The following NRG1 variants were observed in gnomAD, a reference collection of about 807,000 sequenced individuals.
NRG1 encodes the protein neuregulin 1.
A neutral mutation model predicts 63.8 loss-of-function variants in NRG1; 18 were observed. The observed-to-expected ratio is 0.28, with a 90% CI of 0.19 to 0.42. NRG1 has a LOEUF of 0.42. Among genes scored for constraint, NRG1 ranks in the 10% least tolerant of loss-of-function variants. The probability of loss-of-function intolerance (pLI) is 1.00; values close to 1 mark genes in which losing one functional copy is unlikely to be tolerated. For synonymous variants in NRG1, 302 were observed against 301.3 expected (o/e 1.00, Z -0.02); for missense variants, 762 against 814.7 (o/e 0.94, Z 0.79).
intron 1 of NRG1, among the ~76,000 whole-genome samples, chr8:31,722,068 T>TA (rs747582367): frequency 1.4e-4 from 21 of 152,096 alleles, no homozygotes; most frequent in Non-Finnish European, 2.6e-4. Context: ...TTCTCCTGCT[T>TA]AAAATCTTCC....
intron 1 of NRG1, among the ~76,000 whole-genome samples, chr8:31,947,009 G>C (rs996709806): frequency 3.3e-5 from 5 of 152,084 alleles, no homozygotes; most frequent in Non-Finnish European, 7.4e-5. Flanking sequence ...ACTTAGAAAA[G>C]AATGGATATG....
intron 1 of NRG1, among the ~76,000 whole-genome samples, chr8:32,085,554 T>C (rs1248839579): frequency 6.6e-6 from 1 of 152,236 alleles, no homozygotes; most frequent in Non-Finnish European, 1.5e-5. Flanking sequence ...TTGTGATTTC[T>C]ATAAGAATAG....
intron 1 of NRG1, among the ~76,000 whole-genome samples, chr8:31,708,951 A>G (rs960841644): frequency 2.6e-5 from 4 of 152,206 alleles, no homozygotes; most frequent in Non-Finnish European, 5.9e-5. Flanking sequence ...ACTGGAAGCC[A>G]TACTGATAAC....
chr8:31,696,240 C>A (rs1240376279), intron 1 of NRG1, among the ~76,000 whole-genome samples: 2 of 152,006 alleles, frequency 1.3e-5, no homozygotes, highest in African/African-American at 4.8e-5. Flanking sequence ...CTAATTTTTG[C>A]ATTTTTAATA....
intron 1 of NRG1, among the ~76,000 whole-genome samples, chr8:32,143,245 G>A (rs567814033): frequency 1.6e-4 from 24 of 151,740 alleles, no homozygotes; most frequent in Non-Finnish European, 2.9e-4. Flanking sequence ...TTTTTTTTTG[G>A]GGGGGGAAGA....
intron 1 of NRG1, among the ~76,000 whole-genome samples, chr8:32,442,076 G>T (rs1310674064): frequency 2.0e-5 from 3 of 152,056 alleles, no homozygotes; most frequent in African/African-American, 7.2e-5. Context: ...TGCAAATAAG[G>T]ATTAATCCTG....
chr8:31,994,739 G>C (rs1201932623), intron 1 of NRG1, among the ~76,000 whole-genome samples: 3 of 146,346 alleles, frequency 2.0e-5, no homozygotes, highest in Non-Finnish European at 4.5e-5. Flanking sequence ...TCCCTTCTAT[G>C]CTTTTACACA....
intron 1 of NRG1, among the ~76,000 whole-genome samples, chr8:31,855,517 A>C (rs1827766199): frequency 6.6e-6 from 1 of 152,056 alleles, no homozygotes; most frequent in African/African-American, 2.4e-5. Flanking sequence ...TCTGCACGTG[A>C]GATGGGTTTC....
intron 1 of NRG1, among the ~76,000 whole-genome samples, chr8:32,367,884 C>T (rs778975681): frequency 1.3e-5 from 2 of 152,176 alleles, no homozygotes; most frequent in African/African-American, 4.8e-5. Context: ...CATTCTTCTA[C>T]ATATGGATGT....
rs34725608 is a variant in NRG1, at chr8:32,157,049, CGTGTGTGT to C, written c.38-438744_38-438737del. Reference sequence around the variant, plus strand: ...AAAAGAAATACTTCAAATTAAAACTCGTGTGTGTGTGTGTGTGTGTGTGTGTGTGTGTG... The same window carrying C: ...AAAAGAAATACTTCAAATTAAAACTCGTGTGTGTGTGTGTGTGTGTGTGTG... On this transcript the variant is annotated intron_variant, in intron 1 of 10. Transcript: ENST00000519301. Among the ~76,000 whole-genome samples, 871 of 140,960 alleles carry C rather than the reference CGTGTGTGT, an allele frequency of 6.2e-3. 7 individuals are homozygous for C. The highest frequency in any genetic ancestry group is 7.4e-3 in the African/African-American group (276 of 37,338). The allele number at this position is 140,960 out of a possible 152,430, so 92.5% of individuals were successfully genotyped here. A position where few individuals can be genotyped will look rare whatever the true frequency, so the allele number is the denominator to read the frequency against.
chr8:32,581,886 T>C (rs1840704878), intron 1 of NRG1, among the ~76,000 whole-genome samples: 1 of 152,126 alleles, frequency 6.6e-6, no homozygotes, highest in South Asian at 2.1e-4. Context: ...ACTGCAGACC[T>C]TACTTGGATT....
At chr8:32,342,294 T>C (rs1804178745) in intron 1 of NRG1, among the ~76,000 whole-genome samples, 1 of 152,222 alleles carries the variant, frequency 6.6e-6, no homozygotes, top group Non-Finnish European at 1.5e-5. Context: ...AGACATGATA[T>C]CTTGTTTCCC....
At chr8:31,888,332 G>C (rs1165317894) in intron 1 of NRG1, among the ~76,000 whole-genome samples, 2 of 152,106 alleles carry the variant, frequency 1.3e-5, no homozygotes, top group Admixed American at 6.6e-5. Context: ...CAGTACAGAA[G>C]GGTGTCACAG....
chr8:31,733,345 G>A (rs1387174165), intron 1 of NRG1, among the ~76,000 whole-genome samples: 1 of 152,102 alleles, frequency 6.6e-6, no homozygotes, highest in Non-Finnish European at 1.5e-5. Context: ...AGTAGTGAGA[G>A]TGCAGGATCA....
At chr8:31,700,331 G>A (rs1012775537) in intron 1 of NRG1, among the ~76,000 whole-genome samples, 1 of 152,128 alleles carries the variant, frequency 6.6e-6, no homozygotes, top group Admixed American at 6.6e-5. Flanking sequence ...AATAAGTAAG[G>A]AAGGATGCTT....
chr8:32,321,523 C>CTTCT (rs1801390495), intron 1 of NRG1, among the ~76,000 whole-genome samples: 1 of 115,716 alleles, frequency 8.6e-6, no homozygotes, highest in Admixed American at 8.5e-5. Context: ...TTTTTTTTTT[C>CTTCT]TTCTTCTTCT....
intron 5 of NRG1, among the ~76,000 whole-genome samples, chr8:32,692,027 C>T (rs1440975157): frequency 1.3e-5 from 2 of 152,140 alleles, no homozygotes; most frequent in African/African-American, 4.8e-5. Context: ...CTCAATAAAC[C>T]TTTAAGGTCT....
intron 1 of NRG1, among the ~76,000 whole-genome samples, chr8:32,453,370 A>C (rs966847481): frequency 1.1e-4 from 16 of 152,210 alleles, no homozygotes; most frequent in Admixed American, 9.2e-4. Flanking sequence ...TCAGTTCAGA[A>C]AATCATGTTC....
chr8:31,689,715 GCTAA>G (rs1350886348), intron 1 of NRG1, among the ~76,000 whole-genome samples: 4 of 151,900 alleles, frequency 2.6e-5, no homozygotes, highest in African/African-American at 4.8e-5. Flanking sequence ...ACCTATTATG[GCTAA>G]CTATTTTTCT....
Sources: gnomAD v4.1 joint callset for allele counts (sites outside exome capture counted in the v4.1 genomes callset) on GRCh38, gnomAD v4.1.1 for gene constraint, MANE v1.5 for transcripts, NCBI Gene and HGNC (gene_info 2026-07-23, HGNC 2026-07-21) for gene names.